Variants in TFB2M observed in about 807,000 individuals in gnomAD.
TFB2M encodes transcription factor B2, mitochondrial, also known as dimethyladenosine transferase 2, mitochondrial.
TFB2M carries 44 observed loss-of-function variants against 41.3 expected under a neutral mutation model. That is an observed-to-expected ratio of 1.07 (90% CI 0.84 to 1.37). The LOEUF (loss-of-function observed/expected upper bound fraction) is 1.37. TFB2M is among the 40% of genes most tolerant of loss of function. The pLI, the probability that TFB2M is intolerant of heterozygous loss-of-function variation, is 0.00. For synonymous variants in TFB2M, 188 were observed against 176.8 expected, an observed-to-expected ratio of 1.06 and a Z score of -0.50; for missense variants, 496 against 490.2, an observed-to-expected ratio of 1.01 and a Z score of -0.11.
chr1:246,552,471 G>A (rs1316164096), intron 4 of TFB2M, among the ~76,000 whole-genome samples: 1 of 152,080 alleles, frequency 6.6e-6, no homozygotes, highest in Non-Finnish European at 1.5e-5. Flanking sequence ...TTGGGAGGCC[G>A]AGGCAGGAGA....
chr1:246,544,999 G>GT (rs1450976447), intron 6 of TFB2M, among the ~76,000 whole-genome samples: 1 of 151,884 alleles, frequency 6.6e-6, no homozygotes. Flanking sequence ...TAGAGATGGG[G>GT]TTTCACCGTG....
chr1:246,557,506 A>C lies in TFB2M; in HGVS notation c.431T>G (p.Leu144Arg), dbSNP rs1659355115. Residue 144 changes from leucine (L) to arginine (R), a missense_variant, in exon 3 of 8, where the codon CTA becomes CGA. Leu to Arg is a moderately radical substitution (Grantham distance 102). Transcript: ENST00000366514. ...ESLGKNLDGK[L>R]RVIHCDFFKL... ...AAAGAAGTCACAGTGAATCACTCGT[A>C]GTTTTCCATCCAGATTTTTTCCTAA... The C allele has an allele frequency of 6.2e-7, 1 of 1,608,398 alleles. No homozygotes were observed. Among genetic ancestry groups the C allele is most frequent in the African/African-American group, 1.3e-5 (1 of 74,660 alleles).
rs531479126 is a variant in TFB2M, at chr1:246,554,360, G to T, written c.705+2213C>A. 1.4e-3 allele frequency among the ~76,000 whole-genome samples: 220 copies of T among 152,296 alleles called. 2 individuals are homozygous for T. Among genetic ancestry groups the T allele is most frequent in the East Asian group, 5.8e-4 (3 of 5,184 alleles). On this transcript the variant is annotated intron_variant, in intron 4 of 7. Coordinates refer to ENST00000366514, the MANE Select transcript of TFB2M (RefSeq NM_022366.3). ...GAAACTGGGCCACACAGCAGGAAGT[G>T]AGCGGCAGGTGAACAGGCGAGGCGT... is the stretch of plus-strand genomic sequence containing the variant.
intron 4 of TFB2M, among the ~76,000 whole-genome samples, chr1:246,553,234 A>G (rs1003921786): frequency 1.1e-4 from 16 of 151,922 alleles, no homozygotes; most frequent in Non-Finnish European, 2.2e-4. Context: ...AAAACAAAAC[A>G]AAACAAAAAA....
At chr1:246,545,076 G>GA (rs1207627094) in intron 6 of TFB2M, among the ~76,000 whole-genome samples, 2 of 152,032 alleles carry the variant, frequency 1.3e-5, no homozygotes, top group African/African-American at 2.4e-5. Flanking sequence ...AAAGTGCTGG[G>GA]ATTACAGGCG....
intron 6 of TFB2M, among the ~76,000 whole-genome samples, chr1:246,545,880 C>G (rs1225406968): frequency 6.6e-6 from 1 of 150,802 alleles, no homozygotes; most frequent in Non-Finnish European, 1.5e-5. Flanking sequence ...CAAAGCAAGT[C>G]CACTAAATGC....
intron 2 of TFB2M, 69 bp downstream of exon 2, chr1:246,564,277 T>G: frequency 7.3e-7 from 1 of 1,361,786 alleles, no homozygotes; most frequent in Non-Finnish European, 1.0e-6. Flanking sequence ...TGTGCTTAAT[T>G]CCATTTCCTT....
In TFB2M at chr1:246,566,132, T is replaced by C. The variant is rs1659664212; in HGVS notation, c.7A>G (p.Ile3Val). ...CGCCGAGGAAGCCCGACCACTGGGA[T>C]CCACATGTCCTTGTCTCTCAGGCCC... MWIPVVGLPRRLR... is the reference protein window; with the variant it reads MWVPVVGLPRRLR... Residue 3 changes from isoleucine to valine, a missense_variant, in exon 1 of 8, where the codon ATC becomes GTC. Physicochemically the swap from Ile to Val is conservative, Grantham distance 29 (BLOSUM62 3). Coordinates refer to ENST00000366514, the MANE Select transcript of TFB2M (RefSeq NM_022366.3). 1 of 1,606,704 alleles carries C rather than the reference T, an allele frequency of 6.2e-7. No individual in the cohort carries two copies. Among genetic ancestry groups the C allele is most frequent in the African/African-American group, 1.3e-5 (1 of 74,700 alleles).
chr1:246,545,052 G>A (rs575390808), intron 6 of TFB2M, among the ~76,000 whole-genome samples: 3,256 of 135,968 alleles, frequency 0.024, 95 homozygotes, highest in African/African-American at 0.068. Context: ...TGATCCGCCC[G>A]CCTCGGCCTC....
At chr1:246,556,803 G>C (rs1158638949) in intron 3 of TFB2M, 82 bp from the exon 4 acceptor site, 2 of 1,106,054 alleles carry the variant, frequency 1.8e-6, no homozygotes, top group Non-Finnish European at 2.5e-6. Context: ...GACAAACTAA[G>C]TTAACAAACT....
Position 246,561,655 on chromosome 1 carries a change from G to A in TFB2M, c.402+2691C>T, listed in dbSNP as rs950036609. Among the ~76,000 whole-genome samples the A allele has an allele frequency of 7.2e-5, 11 of 152,138 alleles. 1 individual carries two copies. The highest frequency in any genetic ancestry group is 2.7e-4 in the African/African-American group (11 of 41,432). On this transcript the variant is annotated intron_variant, in intron 2 of 7. Coordinates refer to ENST00000366514, the MANE Select transcript of TFB2M (RefSeq NM_022366.3). ...GCTAATTTTTTGTATTTTTAGTAGA[G>A]ATGGGGTTTCACTATGTTGGCCAGG...
rs774530450 is a variant in TFB2M at position 246,564,394 on chromosome 1, G to A, written c.354C>T (p.Ala118=). ...ILTQALLEAG[A]KVVALESDKT... is the part of the protein sequence containing the mutation. ...TGTCACTTTCGAGCGCAACCACTTT[G>A]GCACCAGCTTCAAGTAATGCCTGAG... The change falls in exon 2 of 8, where the codon GCC becomes GCT. Residue 118 remains alanine, a synonymous_variant. Transcript: ENST00000366514. The A allele has an allele frequency of 6.2e-7, 1 of 1,614,142 alleles. No individual in the cohort carries two copies. Among genetic ancestry groups the A allele is most frequent in the Non-Finnish European group, 8.5e-7 (1 of 1,180,010 alleles).
At chr1:246,553,961 A>C (rs552007613) in intron 4 of TFB2M, among the ~76,000 whole-genome samples, 1 of 152,246 alleles carries the variant, frequency 6.6e-6, no homozygotes, top group African/African-American at 2.4e-5. Context: ...AGGTAACAGT[A>C]GCAACACAGT....
At chr1:246,564,805 G>A (rs1261831476) in intron 1 of TFB2M, among the ~76,000 whole-genome samples, 1 of 151,608 alleles carries the variant, frequency 6.6e-6, no homozygotes, top group Non-Finnish European at 1.5e-5. Flanking sequence ...TCAGCCTCCC[G>A]AGTAGCTGGG....
intron 6 of TFB2M, among the ~76,000 whole-genome samples, chr1:246,544,975 T>G (rs901554458): frequency 1.3e-5 from 2 of 151,962 alleles, no homozygotes; most frequent in Non-Finnish European, 2.9e-5. Context: ...CTGGCTAATT[T>G]TTTGTATTTT....
At chr1:246,542,665 C>G (rs904704625) in intron 7 of TFB2M, among the ~76,000 whole-genome samples, 1 of 151,882 alleles carries the variant, frequency 6.6e-6, no homozygotes, top group South Asian at 2.1e-4. Flanking sequence ...GAGTGAGACT[C>G]TCTGTCTGTT....
intron 7 of TFB2M, among the ~76,000 whole-genome samples, chr1:246,542,876 G>A: frequency 7.2e-6 from 1 of 138,586 alleles, no homozygotes; most frequent in East Asian, 2.1e-4. Flanking sequence ...TTAGTCTATT[G>A]CCTTTTACTA....
intron 7 of TFB2M, among the ~76,000 whole-genome samples, chr1:246,541,422 C>T (rs922294287): frequency 7.0e-4 from 14 of 20,010 alleles, no homozygotes; most frequent in African/African-American, 3.8e-3. Flanking sequence ...ACAATGTACA[C>T]TATTTGGGCA....
At chr1:246,559,146 C>G (rs1185276393) in intron 2 of TFB2M, among the ~76,000 whole-genome samples, 2 of 152,108 alleles carry the variant, frequency 1.3e-5, no homozygotes, top group East Asian at 3.9e-4. Context: ...AGATGAGTCT[C>G]ACTATGTCCC....
Sources: gnomAD v4.1 joint callset for allele counts (sites outside exome capture counted in the v4.1 genomes callset) on GRCh38, gnomAD v4.1.1 for gene constraint, MANE v1.5 for transcripts, NCBI Gene and HGNC (gene_info 2026-07-23, HGNC 2026-07-21) for gene names.